Variants in TSHZ2 observed in about 807,000 individuals in gnomAD.
The protein encoded by TSHZ2 is teashirt homolog 2.
A neutral mutation model predicts 74.4 loss-of-function variants in TSHZ2; 21 were observed. The observed-to-expected ratio is 0.28, with a 90% CI of 0.20 to 0.41. TSHZ2 has a LOEUF of 0.41. TSHZ2 is among the 10% of genes least tolerant of loss of function. TSHZ2 has a pLI of 1.00. For missense variants in TSHZ2, 1,244 were observed against 1,293.5 expected (o/e 0.96, Z 0.59); for synonymous variants, 540 against 515.3 (o/e 1.05, Z -0.65).
chr20:53,316,080 G>A (rs1046346786), intron 2 of TSHZ2, among the ~76,000 whole-genome samples: 2 of 152,210 alleles, frequency 1.3e-5, no homozygotes, highest in African/African-American at 4.8e-5. Context: ...GAAGATGTGT[G>A]TGATATTTAA....
At chr20:53,137,686 C>T (rs1225489107) in intron 1 of TSHZ2, among the ~76,000 whole-genome samples, 3 of 152,236 alleles carry the variant, frequency 2.0e-5, no homozygotes, top group East Asian at 3.9e-4. Flanking sequence ...TTCATATCAT[C>T]GCCCTCTAGC....
intron 1 of TSHZ2, among the ~76,000 whole-genome samples, chr20:53,127,135 C>G (rs756741722): frequency 7.2e-5 from 11 of 152,174 alleles, no homozygotes; most frequent in Non-Finnish European, 1.0e-4. Flanking sequence ...TCTATAGATG[C>G]ACATGTGGAT....
rs201966038 is a variant in TSHZ2, at chr20:53,253,974, T to C, written c.516T>C (p.Ala172=). ...GTGATTTTGATTGGCACCAAGACGC[T>C]CTGTCCAAAAGCCTGCAGCAGAACT... The part of the protein sequence containing the change: ...NKSDFDWHQD[A]LSKSLQQNLP... The change falls in exon 2 of 3, where the codon GCT becomes GCC. Residue 172 remains alanine (A), a synonymous_variant. Transcript: ENST00000371497. 8 of 1,614,070 alleles carry C rather than the reference T, an allele frequency of 5.0e-6. No homozygotes were observed. In the East Asian group the frequency reaches 1.1e-4, roughly 22 times the overall value.
At chr20:53,271,042 G>T (rs1262744936) in intron 2 of TSHZ2, among the ~76,000 whole-genome samples, 1 of 152,182 alleles carries the variant, frequency 6.6e-6, no homozygotes, top group Non-Finnish European at 1.5e-5. Flanking sequence ...AGAAGTCAAA[G>T]AGCCAATCAG....
chr20:53,352,934 C>T (rs1471416993), intron 2 of TSHZ2, among the ~76,000 whole-genome samples: 1 of 152,126 alleles, frequency 6.6e-6, no homozygotes, highest in Non-Finnish European at 1.5e-5. Flanking sequence ...ATGTCATCTT[C>T]CTCTGTTGCT....
In TSHZ2 at chr20:53,192,325, T is replaced by A. The variant is rs146622429; in HGVS notation, c.41-61174T>A. Among the ~76,000 whole-genome samples the A allele has an allele frequency of 5.6e-4, 85 of 151,856 alleles. No individual in the cohort carries two copies. In the East Asian group the frequency reaches 0.015, roughly 28 times the overall value. Reference sequence around the variant, plus strand: ...AAAAAAAACAAAAAAACAACTTTGCTTGTGCATGTCAGACAAGAAGGCTTC... The same window carrying A: ...AAAAAAAACAAAAAAACAACTTTGCATGTGCATGTCAGACAAGAAGGCTTC... On this transcript the variant is annotated intron_variant, in intron 1 of 2. Transcript: ENST00000371497.
chr20:53,436,725 A>C (rs1984098043), intron 2 of TSHZ2, among the ~76,000 whole-genome samples: 1 of 150,178 alleles, frequency 6.7e-6, no homozygotes, highest in South Asian at 2.1e-4. Flanking sequence ...TTTTTTTTAT[A>C]GTTTTAGTAG....
chr20:53,414,837 T>C (rs978950161), intron 2 of TSHZ2, among the ~76,000 whole-genome samples: 1 of 152,174 alleles, frequency 6.6e-6, no homozygotes, highest in African/African-American at 2.4e-5. Flanking sequence ...ACCAGGCTCC[T>C]GAGTGGGCAG....
At chr20:53,396,948 TCCTTACA>T (rs1476047583) in intron 2 of TSHZ2, among the ~76,000 whole-genome samples, 1 of 151,934 alleles carries the variant, frequency 6.6e-6, no homozygotes, top group Non-Finnish European at 1.5e-5. Context: ...CTGGATCCCT[TCCTTACA>T]CCTTATACAA....
chr20:53,310,958 G>A (rs1978760089), intron 2 of TSHZ2, among the ~76,000 whole-genome samples: 1 of 152,200 alleles, frequency 6.6e-6, no homozygotes, highest in South Asian at 2.1e-4. Context: ...CACTGTAAGA[G>A]CCTGGCTGCC....
chr20:53,291,974 A>G (rs1702487010), intron 2 of TSHZ2, among the ~76,000 whole-genome samples: 1 of 150,808 alleles, frequency 6.6e-6, no homozygotes, highest in African/African-American at 2.5e-5. Context: ...TATCACAGAA[A>G]GATAGTCAGG....
intron 1 of TSHZ2, among the ~76,000 whole-genome samples, chr20:53,003,170 T>G (rs1466000656): frequency 6.6e-6 from 1 of 152,156 alleles, no homozygotes; most frequent in East Asian, 1.9e-4. Flanking sequence ...GTCCAGGTAC[T>G]GTCCTTCATT....
intron 2 of TSHZ2, among the ~76,000 whole-genome samples, chr20:53,409,612 A>G (rs1281218736): frequency 6.6e-6 from 1 of 152,186 alleles, no homozygotes; most frequent in African/African-American, 2.4e-5. Flanking sequence ...TAAAAGAAAT[A>G]TTGGTATGTG....
chr20:53,155,046 A>G (rs1352442531), intron 1 of TSHZ2, among the ~76,000 whole-genome samples: 1 of 148,210 alleles, frequency 6.7e-6, no homozygotes, highest in East Asian at 1.9e-4. Flanking sequence ...AGGTGTTTGA[A>G]TATGCATTTT....
intron 2 of TSHZ2, among the ~76,000 whole-genome samples, chr20:53,301,265 T>G (rs1016955277): frequency 6.6e-6 from 1 of 152,084 alleles, no homozygotes; most frequent in Admixed American, 6.5e-5. Context: ...GCCCCCAGAG[T>G]GATTTCTAAA....
At chr20:53,044,053 G>A (rs1280262575) in intron 1 of TSHZ2, among the ~76,000 whole-genome samples, 1 of 152,168 alleles carries the variant, frequency 6.6e-6, no homozygotes, top group Non-Finnish European at 1.5e-5. Flanking sequence ...AATACTTCCT[G>A]CTCACCGGGC....
At chr20:53,474,923 A>C (rs913876550) in intron 2 of TSHZ2, among the ~76,000 whole-genome samples, 2 of 142,438 alleles carry the variant, frequency 1.4e-5, no homozygotes, top group Non-Finnish European at 3.0e-5. Context: ...GCCATTACAT[A>C]ATGGTAAAGG....
chr20:53,184,520 T>C (rs922853898), intron 1 of TSHZ2, among the ~76,000 whole-genome samples: 1 of 152,112 alleles, frequency 6.6e-6, no homozygotes, highest in Non-Finnish European at 1.5e-5. Context: ...CAAACATAAA[T>C]AAGAAAATAA....
At chr20:53,304,236 G>T (rs1978426921) in intron 2 of TSHZ2, among the ~76,000 whole-genome samples, 1 of 126,250 alleles carries the variant, frequency 7.9e-6, no homozygotes, top group South Asian at 2.5e-4. Flanking sequence ...TCCCCTTCCT[G>T]TGTCCATGTG....
Sources: gnomAD v4.1 joint callset for allele counts (sites outside exome capture counted in the v4.1 genomes callset) on GRCh38, gnomAD v4.1.1 for gene constraint, MANE v1.5 for transcripts, NCBI Gene and HGNC (gene_info 2026-07-23, HGNC 2026-07-21) for gene names.